COL9A1: variants seen among roughly 807,000 people sequenced by gnomAD.
COL9A1 encodes the protein collagen alpha-1(IX) chain.
Under a neutral mutation model 142.6 loss-of-function variants are expected in COL9A1, and 104 were observed. That is an observed-to-expected ratio of 0.73 (90% confidence interval 0.62 to 0.86). The LOEUF (loss-of-function observed/expected upper bound fraction) is 0.86, where lower values mean the gene tolerates loss of function less well. Among genes scored for constraint, COL9A1 ranks in the 40% least tolerant of loss-of-function variants. The probability of loss-of-function intolerance (pLI) is 0.00; values close to 1 mark genes in which losing one functional copy is unlikely to be tolerated. For synonymous variants in COL9A1, 466 were observed against 396.0 expected, an observed-to-expected ratio of 1.18 and a Z score of -2.10; for missense variants, 1,210 against 1,176.6, an observed-to-expected ratio of 1.03 and a Z score of -0.42.
intron 32 of COL9A1, 79 bp downstream of exon 32, chr6:70,240,609 GT>G: frequency 2.2e-6 from 2 of 903,632 alleles, no homozygotes; most frequent in South Asian, 2.9e-5. Context: ...ATTTTGAACT[GT>G]GTTAGAAGTA....
At chr6:70,280,752 A>G (rs1333202118) in intron 10 of COL9A1, 60 bp downstream of exon 10, 4 of 1,528,666 alleles carry the variant, frequency 2.6e-6, no homozygotes, top group Non-Finnish European at 3.6e-6. Context: ...CAAAACACAC[A>G]CTTACTCGTA....
chr6:70,280,112 A>G (rs961996265), intron 10 of COL9A1: 2 of 595,210 alleles, frequency 3.4e-6, no homozygotes, highest in Middle Eastern at 2.6e-4. Flanking sequence ...ATTTAGTGTT[A>G]GGTTTACCAT....
At chr6:70,245,395 T>A (rs931199206) in intron 28 of COL9A1, among the ~76,000 whole-genome samples, 5 of 152,154 alleles carry the variant, frequency 3.3e-5, no homozygotes, top group Admixed American at 3.3e-4. Context: ...AAGGTCTGAT[T>A]GTAAAAATTC....
At chr6:70,243,738 G>T (rs1770419035) in intron 28 of COL9A1, among the ~76,000 whole-genome samples, 2 of 152,168 alleles carry the variant, frequency 1.3e-5, no homozygotes. Flanking sequence ...ATATTGGCCA[G>T]GCTGGTCTTG....
At chr6:70,275,051 G>T in intron 10 of COL9A1, 1 of 438,578 alleles carries the variant, frequency 2.3e-6, no homozygotes, top group African/African-American at 2.0e-5. Flanking sequence ...AGTGTTTTTT[G>T]TCTCTGCTTT....
chr6:70,294,330 G>A lies in COL9A1; in HGVS notation c.533C>T (p.Ser178Phe). 1.2e-6 allele frequency: 2 copies of A among 1,614,046 alleles called. No homozygotes were observed. The highest frequency in any genetic ancestry group is 2.2e-5 in the South Asian group (2 of 91,074). Residue 178 changes from serine (S) to phenylalanine (F), a missense_variant, in exon 5 of 38, where the codon TCC (serine) becomes TTC (phenylalanine). Ser to Phe is a radical substitution (Grantham distance 155). Transcript: ENST00000357250. Reference protein sequence around the residue: ...AFSNLSSLFDSQWHKIMIGVE... With the variant: ...AFSNLSSLFDFQWHKIMIGVE... Reference sequence around the variant, plus strand: ...GCCAATCATGATCTTATGCCACTGGGAATCAAACAAGGAGGACAAATTCGA... The same window carrying A: ...GCCAATCATGATCTTATGCCACTGGAAATCAAACAAGGAGGACAAATTCGA...
rs548057629 is a variant in COL9A1, at chr6:70,296,399, T to C, written c.300-1836A>G. Among the ~76,000 whole-genome samples the C allele has an allele frequency of 2.2e-4, 34 of 152,224 alleles. 1 individual carries two copies. In the South Asian group the frequency reaches 6.8e-3, roughly 31 times the overall value. On this transcript the variant is annotated intron_variant, in intron 4 of 37. Transcript: ENST00000357250. ...ATGTTTTATATCCCTCAAGTGTACA[T>C]TTTAAAATATTCAATATGGAGCTAC... is the stretch of plus-strand genomic sequence containing the variant.
chr6:70,259,310 A>G (rs962172973), intron 20 of COL9A1, among the ~76,000 whole-genome samples: 10 of 152,198 alleles, frequency 6.6e-5, no homozygotes, highest in South Asian at 2.1e-4. Flanking sequence ...GGGAACTGAC[A>G]CCAATTAACC....
At chr6:70,238,124 C>T (rs1198021436) in intron 33 of COL9A1, among the ~76,000 whole-genome samples, 2 of 152,112 alleles carry the variant, frequency 1.3e-5, no homozygotes, top group Non-Finnish European at 2.9e-5. Flanking sequence ...AGGAGGGATA[C>T]ACAGTGGGTT....
intron 33 of COL9A1, among the ~76,000 whole-genome samples, chr6:70,238,087 A>G (rs1770025703): frequency 6.6e-6 from 1 of 152,186 alleles, no homozygotes; most frequent in Non-Finnish European, 1.5e-5. Context: ...TAAGAATCTG[A>G]TTTTATTCTT....
intron 37 of COL9A1, chr6:70,222,873 G>A (rs1583200179): frequency 6.6e-6 from 1 of 152,108 alleles, no homozygotes; most frequent in East Asian, 1.9e-4. Context: ...GACGGTTCCA[G>A]ACAAATTACT....
chr6:70,301,521 G>T (rs1334816105), intron 2 of COL9A1, among the ~76,000 whole-genome samples: 4 of 152,192 alleles, frequency 2.6e-5, no homozygotes, highest in Non-Finnish European at 5.9e-5. Flanking sequence ...AGGTTGCAGT[G>T]AGCCGAGATT....
chr6:70,257,758 C>A (rs796267990), intron 20 of COL9A1, among the ~76,000 whole-genome samples: 15 of 152,186 alleles, frequency 9.9e-5, no homozygotes, highest in African/African-American at 2.2e-4. Context: ...AAAACACACA[C>A]AAAAAATTTA....
chr6:70,282,289 T>C (rs927333661), intron 7 of COL9A1, among the ~76,000 whole-genome samples: 1 of 152,264 alleles, frequency 6.6e-6, no homozygotes, highest in African/African-American at 2.4e-5. Flanking sequence ...CCAAACAGGT[T>C]ACAATGGGGT....
chr6:70,267,031 C>T (rs1251935703), intron 17 of COL9A1, among the ~76,000 whole-genome samples: 2 of 152,206 alleles, frequency 1.3e-5, no homozygotes, highest in Non-Finnish European at 2.9e-5. Context: ...TTCATTGATA[C>T]TTGCCTGCTA....
chr6:70,257,308 C>T (rs1429350716), intron 20 of COL9A1, among the ~76,000 whole-genome samples: 1 of 152,080 alleles, frequency 6.6e-6, no homozygotes, highest in Non-Finnish European at 1.5e-5. Flanking sequence ...ATCTGCCCAC[C>T]TTGGCCTCCC....
At chr6:70,271,997 A>T (rs1241610682) in intron 13 of COL9A1, 68 bp downstream of exon 13, 3 of 1,458,820 alleles carry the variant, frequency 2.1e-6, no homozygotes, top group Non-Finnish European at 2.9e-6. Context: ...TAGGAGAATA[A>T]GGTGGGGATT....
At chr6:70,252,684 A>T (rs1474943835) in intron 26 of COL9A1, among the ~76,000 whole-genome samples, 1 of 152,158 alleles carries the variant, frequency 6.6e-6, no homozygotes. Context: ...ACCTCACATT[A>T]AACTATTGAA....
At chr6:70,298,576 T>C (rs948637152) in intron 4 of COL9A1, among the ~76,000 whole-genome samples, 13 of 152,054 alleles carry the variant, frequency 8.5e-5, no homozygotes, top group South Asian at 2.1e-4. Context: ...ATAGCCTGGG[T>C]ACATTATTTA....
Sources: gnomAD v4.1 joint callset for allele counts (sites outside exome capture counted in the v4.1 genomes callset) on GRCh38, gnomAD v4.1.1 for gene constraint, MANE v1.5 for transcripts, NCBI Gene and HGNC (gene_info 2026-07-23, HGNC 2026-07-21) for gene names.